Variants in NOMO1 observed in about 807,000 individuals in gnomAD.
NOMO1 encodes the protein NODAL modulator 1.
In NOMO1, 40 loss-of-function variants were observed where a neutral mutation model predicts 133.8. That is an observed-to-expected ratio of 0.30 (90% CI 0.23 to 0.39). NOMO1 has a LOEUF of 0.39. NOMO1 is among the 10% of genes least tolerant of loss of function. NOMO1 has a pLI of 1.00. For missense variants in NOMO1, 462 were observed against 1,419.9 expected, an observed-to-expected ratio of 0.33 and a Z score of 10.84; for synonymous variants, 236 against 570.5, an observed-to-expected ratio of 0.41 and a Z score of 8.36.
At chr16:14,836,746 C>G (rs912746096) in intron 1 of NOMO1, among the ~76,000 whole-genome samples, 1 of 148,352 alleles carries the variant, frequency 6.7e-6, no homozygotes. Context: ...TCGCCCAGGC[C>G]GGACTGCAGA....
At chr16:14,866,506 G>T in intron 14 of NOMO1, 49 bp from the exon 15 acceptor site, 1 of 1,610,082 alleles carries the variant, frequency 6.2e-7, no homozygotes, top group Non-Finnish European at 8.5e-7. Flanking sequence ...GTGGAGGGAG[G>T]TGGTGTGCTC....
intron 27 of NOMO1, among the ~76,000 whole-genome samples, chr16:14,884,853 G>A (rs1164897883): frequency 2.6e-5 from 4 of 152,054 alleles, no homozygotes; most frequent in Non-Finnish European, 4.4e-5. Flanking sequence ...AGTGGAGGTC[G>A]TATTAAATGT....
chr16:14,891,841 C>A (rs1964409614), intron 29 of NOMO1, among the ~76,000 whole-genome samples: 1 of 152,088 alleles, frequency 6.6e-6, no homozygotes, highest in Admixed American at 6.5e-5. Flanking sequence ...AAGAGTGATT[C>A]ATGCTCAGTG....
intron 5 of NOMO1, 65 bp downstream of exon 5, chr16:14,846,748 G>C: frequency 7.5e-7 from 1 of 1,335,412 alleles, no homozygotes; most frequent in Non-Finnish European, 1.0e-6. Context: ...CATGGAGCTG[G>C]GTTTGGGAGT....
chr16:14,868,192 T>A (rs939213778), intron 15 of NOMO1, among the ~76,000 whole-genome samples: 4 of 136,996 alleles, frequency 2.9e-5, no homozygotes, highest in African/African-American at 5.5e-5. Context: ...CTTTCCTGTT[T>A]ATTTTCACAG....
At chr16:14,893,648 A>G (rs944631017) in intron 29 of NOMO1, among the ~76,000 whole-genome samples, 1 of 150,718 alleles carries the variant, frequency 6.6e-6, no homozygotes, top group East Asian at 1.9e-4. Context: ...GCCCACAGTC[A>G]CTCTCTAGCC....
chr16:14,892,835 C>T (rs1259561416), intron 29 of NOMO1, among the ~76,000 whole-genome samples: 4 of 147,520 alleles, frequency 2.7e-5, no homozygotes, highest in African/African-American at 7.4e-5. Context: ...TCAAGTGAGG[C>T]GGTTTGTCTC....
intron 15 of NOMO1, 97 bp downstream of exon 15, chr16:14,866,788 G>A: frequency 6.2e-7 from 1 of 1,607,580 alleles, no homozygotes; most frequent in Non-Finnish European, 8.5e-7. Context: ...ACGTAGGCAA[G>A]TTAGATTTCC....
In NOMO1 at chr16:14,833,846, C is replaced by CGGGCCATGCTGGT. The variant is rs1963462181; in HGVS notation, c.2_14dup. 1 of 655,574 alleles carries CGGGCCATGCTGGT rather than the reference C, an allele frequency of 1.5e-6. No individual in the cohort carries two copies. The highest frequency in any genetic ancestry group is 2.1e-6 in the Non-Finnish European group (1 of 469,494). The allele number at this position is 655,574 out of a possible 1,614,324, so 40.6% of individuals were successfully genotyped here. On this transcript the variant is annotated 5_prime_UTR_variant, in exon 1 of 31. In the 5' UTR this introduces an upstream ATG that the reference lacks. Coordinates refer to ENST00000287667, the MANE Select transcript of NOMO1 (RefSeq NM_014287.4). ...GGCGGTGGGTCTAGCTGGGGGAGGT[C>CGGGCCATGCTGGT]GGGCCATGCTGGTGGGCCAGGGCGC...
At chr16:14,860,665 G>A (rs1050753666) in intron 11 of NOMO1, among the ~76,000 whole-genome samples, 4 of 151,908 alleles carry the variant, frequency 2.6e-5, no homozygotes, top group African/African-American at 9.7e-5. Flanking sequence ...TGAGCCACTG[G>A]GTAGATGGAG....
intron 11 of NOMO1, among the ~76,000 whole-genome samples, chr16:14,860,921 C>G (rs1207715754): frequency 2.0e-5 from 3 of 149,860 alleles, no homozygotes; most frequent in Non-Finnish European, 4.4e-5. Flanking sequence ...GTGGCGCCAT[C>G]TCGGCTCACT....
chr16:14,836,694 CTTTTTTT>C (rs954619401), intron 1 of NOMO1, among the ~76,000 whole-genome samples: 18 of 131,244 alleles, frequency 1.4e-4, no homozygotes, highest in Admixed American at 4.6e-4. Flanking sequence ...TTCCATTTTA[CTTTTTTT>C]TTTTTTTTTT....
chr16:14,892,879 G>A (rs1324430212), intron 29 of NOMO1, among the ~76,000 whole-genome samples: 1 of 125,754 alleles, frequency 8.0e-6, no homozygotes, highest in Non-Finnish European at 1.8e-5. Flanking sequence ...TCTGCCCTCC[G>A]CGTGATGAGT....
chr16:14,840,366 C>T (rs1963587546), intron 2 of NOMO1, among the ~76,000 whole-genome samples: 1 of 72,934 alleles, frequency 1.4e-5, no homozygotes. Context: ...GCAGGTGGAT[C>T]GCCTGAGCTC....
intron 28 of NOMO1, among the ~76,000 whole-genome samples, chr16:14,887,564 T>G (rs1476745737): frequency 6.6e-6 from 1 of 151,758 alleles, no homozygotes. Context: ...CCTCCCAAAG[T>G]GCTGAGATTA....
chr16:14,864,779 AG>A (rs1963968761), intron 13 of NOMO1, 53 bp downstream of exon 13: 1 of 1,613,320 alleles, frequency 6.2e-7, no homozygotes, highest in South Asian at 1.1e-5. Flanking sequence ...GTCAGCCGGT[AG>A]GAGTGGGATT....
In NOMO1 at chr16:14,864,666, A is replaced by G. The variant is rs141860762; in HGVS notation, c.1477A>G (p.Met493Val). The G allele has an allele frequency of 2.3e-3, 3,731 of 1,603,202 alleles. 143 individuals are homozygous for G. In the African/African-American group the frequency reaches 0.024, roughly 10 times the overall value. The change falls in exon 13 of 31, where the codon ATG (methionine) becomes GTG (valine). Residue 493 changes from methionine to valine, a missense_variant. Transcript: ENST00000287667. ...TFPLTVTNRP[M>V]MDVAFVQFLA... Reference sequence around the variant, plus strand: ...TCCTCTTACTGTGACCAACAGGCCCATGATGGATGTGGCCTTTGTACAGTT... The same window carrying G: ...TCCTCTTACTGTGACCAACAGGCCCGTGATGGATGTGGCCTTTGTACAGTT...
intron 29 of NOMO1, 96 bp from the exon 30 acceptor site, chr16:14,894,902 A>G (rs1406347876): frequency 6.3e-7 from 1 of 1,585,218 alleles, no homozygotes; most frequent in Non-Finnish European, 8.6e-7. Context: ...TCAAGTGGCC[A>G]CTTTGGAAGG....
intron 29 of NOMO1, 135 bp downstream of exon 29, chr16:14,889,350 G>A (rs1229667151): frequency 1.2e-5 from 18 of 1,512,706 alleles, no homozygotes; most frequent in Non-Finnish European, 1.6e-5. Flanking sequence ...TAGGCAATAC[G>A]GTAAAACCCC....
Sources: gnomAD v4.1 joint callset for allele counts (sites outside exome capture counted in the v4.1 genomes callset) on GRCh38, gnomAD v4.1.1 for gene constraint, MANE v1.5 for transcripts, NCBI Gene and HGNC (gene_info 2026-07-23, HGNC 2026-07-21) for gene names.